The following EHD3 variants were observed in gnomAD, a reference collection of about 807,000 sequenced individuals.
The protein encoded by EHD3 is EH domain containing 3, also known as EH domain-containing protein 3.
Under a neutral mutation model 43.0 loss-of-function variants are expected in EHD3, and 17 were observed. That is an observed-to-expected ratio of 0.40 (90% CI 0.27 to 0.59). The LOEUF is 0.59. Among genes scored for constraint, EHD3 ranks in the 20% least tolerant of loss-of-function variants. EHD3 has a pLI of 0.49. For missense variants in EHD3, 594 were observed against 705.6 expected (o/e 0.84, Z 1.79); for synonymous variants, 313 against 289.5 (o/e 1.08, Z -0.82).
intron 2 of EHD3, among the ~76,000 whole-genome samples, chr2:31,246,141 A>T (rs1224287174): frequency 6.6e-6 from 1 of 152,042 alleles, no homozygotes; most frequent in African/African-American, 2.4e-5. Flanking sequence ...TCCCTTTAGG[A>T]AGAATGAGGA....
At chr2:31,247,426 C>T (rs1289588290) in intron 2 of EHD3, among the ~76,000 whole-genome samples, 1 of 151,762 alleles carries the variant, frequency 6.6e-6, no homozygotes, top group African/African-American at 2.4e-5. Context: ...AAAGGTGATA[C>T]TATTAAGGGG....
At chr2:31,244,737 A>C (rs2148717280) in intron 2 of EHD3, among the ~76,000 whole-genome samples, 1 of 152,336 alleles carries the variant, frequency 6.6e-6, no homozygotes, top group South Asian at 2.1e-4. Context: ...GTAAAAGTGG[A>C]GGAGGATGCT....
At chr2:31,249,269 A>C (rs1275663530) in intron 2 of EHD3, 102 bp from the exon 3 acceptor site, 1 of 1,036,774 alleles carries the variant, frequency 9.6e-7, no homozygotes, top group Non-Finnish European at 1.5e-6. Context: ...TTCAGGATGC[A>C]CCTGCAGCTC....
intron 3 of EHD3, among the ~76,000 whole-genome samples, chr2:31,251,376 G>C (rs597800): frequency 0.22 from 33,965 of 152,144 alleles, 4,919 homozygotes; most frequent in African/African-American, 0.4. Flanking sequence ...AGGTTAACCC[G>C]AGTCAGCCCT....
chr2:31,261,402 T>G, intron 4 of EHD3, 147 bp from the exon 5 acceptor site: 18 of 951,116 alleles, frequency 1.9e-5, no homozygotes, highest in Non-Finnish European at 2.2e-5. Context: ...CATGGAGCCA[T>G]GAGGGTAGAG....
chr2:31,264,607 T>A (rs1176539821), intron 5 of EHD3, among the ~76,000 whole-genome samples: 2 of 142,356 alleles, frequency 1.4e-5, no homozygotes, highest in Admixed American at 7.3e-5. Context: ...CGATCTCGGC[T>A]CACTGCAACC....
intron 3 of EHD3, among the ~76,000 whole-genome samples, chr2:31,252,531 A>G (rs1199114147): frequency 6.6e-6 from 1 of 152,198 alleles, no homozygotes; most frequent in Admixed American, 6.5e-5. Context: ...CTGGACTGCA[A>G]TGGCGTAATC....
chr2:31,241,148 A>G lies in EHD3; in HGVS notation c.228-3126A>G, dbSNP rs1373470016. On this transcript the variant is annotated intron_variant, in intron 1 of 5. Transcript: ENST00000322054. ...CCCACAGCTGATATTTACAGAGATGAGTACACTCCTGCGTTTGTGGGCCTC... is the reference window on the plus strand; with the variant it reads ...CCCACAGCTGATATTTACAGAGATGGGTACACTCCTGCGTTTGTGGGCCTC... Among the ~76,000 whole-genome samples, 8 of 152,212 alleles carry G rather than the reference A, an allele frequency of 5.3e-5. No individual in the cohort carries two copies. In the East Asian group the frequency reaches 1.3e-3, roughly 26 times the overall value.
rs2148714078 is a variant in EHD3, at chr2:31,234,855, C to T, written c.227+7C>T. 1 of 1,613,958 alleles carries T rather than the reference C, an allele frequency of 6.2e-7. No individual in the cohort carries two copies. The highest frequency in any genetic ancestry group is 2.2e-5 in the East Asian group (1 of 44,868). ...GGAAGACCACCTTCATCAGGTGAGC[C>T]GGCCCAGGGTCCTGGCAGCCCACCC... is the stretch of plus-strand genomic sequence containing the variant. On this transcript the variant is annotated splice_region_variant and intron_variant, in intron 1 of 5. Transcript: ENST00000322054.
At chr2:31,261,853 T>A in intron 5 of EHD3, 140 bp downstream of exon 5, 1 of 1,035,900 alleles carries the variant, frequency 9.7e-7, no homozygotes, top group Non-Finnish European at 1.4e-6. Context: ...TGGCCCTGGA[T>A]CTACACTCCT....
At chr2:31,237,081 C>G (rs1378511617) in intron 1 of EHD3, among the ~76,000 whole-genome samples, 1 of 152,150 alleles carries the variant, frequency 6.6e-6, no homozygotes, top group African/African-American at 2.4e-5. Flanking sequence ...AAGCTGTCTC[C>G]CCTTGAGGGA....
chr2:31,257,141 G>A (rs1683766340), intron 3 of EHD3, among the ~76,000 whole-genome samples: 1 of 152,204 alleles, frequency 6.6e-6, no homozygotes, highest in Non-Finnish European at 1.5e-5. Context: ...GCAGGGAGTT[G>A]TGGAGGGTCC....
Position 31,266,863 on chromosome 2 carries a change from T to C in EHD3, c.*159T>C, listed in dbSNP as rs1222130000. ...GTGAGAGAGGACCATGACGCCCATG[T>C]TTGCAGCTGATACTTGTTTGGGCAC... On this transcript the variant is annotated 3_prime_UTR_variant, in exon 6 of 6. Transcript: ENST00000322054. This position sits in a 1 kb window ranked among gnomAD's most constrained non-coding sequence, Gnocchi z 5.1. 4.5e-5 allele frequency: 41 copies of C among 914,410 alleles called. No homozygotes were observed. Among genetic ancestry groups the C allele is most frequent in the African/African-American group, 1.7e-5 (1 of 59,532 alleles). The allele number at this position is 914,410 out of a possible 1,614,324, so 56.6% of individuals were successfully genotyped here. A position where few individuals can be genotyped will look rare whatever the true frequency, so the allele number is the denominator to read the frequency against.
At chr2:31,235,232 ATCAT>A (rs1683302218) in intron 1 of EHD3, among the ~76,000 whole-genome samples, 3 of 152,090 alleles carry the variant, frequency 2.0e-5, no homozygotes, top group African/African-American at 7.2e-5. Flanking sequence ...TTAGCAACAC[ATCAT>A]TCACGGGCAA....
At chr2:31,261,484 A>G in intron 4 of EHD3, 65 bp from the exon 5 acceptor site, 1 of 1,573,616 alleles carries the variant, frequency 6.4e-7, no homozygotes, top group Non-Finnish European at 8.7e-7. Context: ...TGCAAGAGCC[A>G]TCCTAGAAGG....
Position 31,260,663 on chromosome 2 carries a change from A to G in EHD3, c.656A>G (p.Asn219Ser). The G allele has an allele frequency of 6.2e-7, 1 of 1,614,240 alleles. No individual in the cohort carries two copies. The highest frequency in any genetic ancestry group is 8.5e-7 in the Non-Finnish European group (1 of 1,180,046). Residue 219 changes from asparagine to serine, a missense_variant, in exon 4 of 6, where the codon AAC (asparagine) becomes AGC (serine). Asn to Ser is a conservative substitution (Grantham distance 46). This residue lies in a region of EHD3 where 243 missense variants were observed against 296.7 expected (regional missense o/e 0.82). Coordinates refer to ENST00000322054, the MANE Select transcript of EHD3 (RefSeq NM_014600.3). The surrounding 1 kb of genome is among the most constrained non-coding windows in gnomAD (Gnocchi z 4.6). ...GAGGACAAGATGCGAGTGGTGCTGA[A>G]CAAAGCTGACCAGATCGAGACGCAG... ...NHEDKMRVVL[N>S]KADQIETQQL... is the part of the protein sequence containing the mutation.
At chr2:31,247,156 C>T (rs1683538646) in intron 2 of EHD3, among the ~76,000 whole-genome samples, 1 of 152,190 alleles carries the variant, frequency 6.6e-6, no homozygotes, top group African/African-American at 2.4e-5. Context: ...CTTGGCCTCC[C>T]AAAGTGCTGG....
intron 2 of EHD3, 91 bp downstream of exon 2, chr2:31,244,541 G>A: frequency 7.2e-7 from 1 of 1,385,318 alleles, no homozygotes; most frequent in Middle Eastern, 1.9e-4. Flanking sequence ...GTCTTGGGAT[G>A]CTTGGTGCCT....
At chr2:31,239,012 T>G (rs940894875) in intron 1 of EHD3, among the ~76,000 whole-genome samples, 1 of 152,168 alleles carries the variant, frequency 6.6e-6, no homozygotes, top group Admixed American at 6.5e-5. Flanking sequence ...GCTGCTGGGA[T>G]GGGAGTCCAT....
Sources: gnomAD v4.1 joint callset for allele counts (sites outside exome capture counted in the v4.1 genomes callset) on GRCh38, gnomAD v4.1.1 for gene constraint, gnomAD v4.1.1 regional missense constraint, Gnocchi (gnomAD v3.1) non-coding constraint, MANE v1.5 for transcripts, NCBI Gene and HGNC (gene_info 2026-07-23, HGNC 2026-07-21) for gene names.